The following GRM8 variants were observed in gnomAD, a reference collection of about 807,000 sequenced individuals.
The protein encoded by GRM8 is metabotropic glutamate receptor 8.
Under a neutral mutation model 87.2 loss-of-function variants are expected in GRM8, and 47 were observed. The ratio of observed to expected loss-of-function variants is 0.54; its 90% CI spans 0.43 to 0.69. The LOEUF (loss-of-function observed/expected upper bound fraction) is 0.69, where lower values mean the gene tolerates loss of function less well. GRM8 is among the 30% of genes least tolerant of loss of function. GRM8 has a pLI of 0.00. For synonymous variants in GRM8, 396 were observed against 404.5 expected (o/e 0.98, Z 0.25); for missense variants, 1,019 against 1,139.2 (o/e 0.89, Z 1.52).
At chr7:127,055,813 A>G (rs1057026559) in intron 3 of GRM8, among the ~76,000 whole-genome samples, 5 of 108,180 alleles carry the variant, frequency 4.6e-5, no homozygotes, top group Non-Finnish European at 8.4e-5. Context: ...CTCTAAGGGG[A>G]AAAAAAAAAG....
chr7:126,480,509 G>C (rs1399495222), intron 9 of GRM8, among the ~76,000 whole-genome samples: 2 of 152,038 alleles, frequency 1.3e-5, no homozygotes, highest in Non-Finnish European at 2.9e-5. Context: ...CAGAGCTATG[G>C]GTTAGATTTG....
chr7:127,232,183 T>TTGTGTGTGTGTGTGTGTGTGTGTGTGTG (rs71529431), intron 2 of GRM8, among the ~76,000 whole-genome samples: 6 of 129,844 alleles, frequency 4.6e-5, no homozygotes, highest in Admixed American at 1.6e-4. Context: ...TGTTTCTTCT[T>TTGTGTGTGTGTGTGTGTGTGTGTGTGTG]TGTGTGTGTG....
chr7:126,760,894 T>C (rs1253292032), intron 7 of GRM8, among the ~76,000 whole-genome samples: 3 of 152,296 alleles, frequency 2.0e-5, no homozygotes, highest in African/African-American at 7.2e-5. Context: ...TGTCTCATTT[T>C]CTACTTATAA....
At chr7:127,027,797 T>A (rs186135232) in intron 3 of GRM8, among the ~76,000 whole-genome samples, 4 of 152,332 alleles carry the variant, frequency 2.6e-5, no homozygotes, top group Admixed American at 2.6e-4. Context: ...ATTGACTTCC[T>A]CTTTTCCTAA....
In GRM8 at chr7:127,071,514, C is replaced by T. The variant is rs142513785; in HGVS notation, c.727+34982G>A. ...ATTAATGTAAGACCACTTAGAGCTA[C>T]GTTCTCTGCATCACTCACAACAAGC... On this transcript the variant is annotated intron_variant, in intron 3 of 10. Coordinates refer to ENST00000339582, the MANE Select transcript of GRM8 (RefSeq NM_000845.3). Among the ~76,000 whole-genome samples, 721 of 152,280 alleles carry T rather than the reference C, an allele frequency of 4.7e-3. 9 individuals are homozygous for T. The highest frequency in any genetic ancestry group is 0.016 in the African/African-American group (660 of 41,548).
intron 9 of GRM8, among the ~76,000 whole-genome samples, chr7:126,474,613 A>C (rs1805687615): frequency 1.3e-5 from 2 of 152,174 alleles, no homozygotes; most frequent in Non-Finnish European, 2.9e-5. Flanking sequence ...TCCTGAAAAG[A>C]CTTTAAAGAG....
intron 3 of GRM8, among the ~76,000 whole-genome samples, chr7:126,914,360 A>C (rs925469403): frequency 5.3e-5 from 8 of 152,212 alleles, no homozygotes; most frequent in Non-Finnish European, 1.5e-5. Context: ...AAGCAGTATG[A>C]AGATTTCTCA....
At chr7:126,583,510 C>T (rs1334701242) in intron 8 of GRM8, among the ~76,000 whole-genome samples, 1 of 152,082 alleles carries the variant, frequency 6.6e-6, no homozygotes, top group East Asian at 1.9e-4. Context: ...ATTCTAGATG[C>T]CATTGAGAAC....
chr7:127,094,956 A>G (rs775322502), intron 3 of GRM8, among the ~76,000 whole-genome samples: 2 of 152,186 alleles, frequency 1.3e-5, no homozygotes, highest in Non-Finnish European at 2.9e-5. Flanking sequence ...TATAAAGACA[A>G]CAAGCTAGAG....
At chr7:127,109,639 C>T (rs1390570981) in intron 2 of GRM8, among the ~76,000 whole-genome samples, 1 of 152,194 alleles carries the variant, frequency 6.6e-6, no homozygotes, top group African/African-American at 2.4e-5. Flanking sequence ...CTTCCAAAGC[C>T]TCCGCCATCT....
At chr7:126,773,523 T>G (rs147762935) in intron 6 of GRM8, among the ~76,000 whole-genome samples, 1 of 152,318 alleles carries the variant, frequency 6.6e-6, no homozygotes, top group East Asian at 1.9e-4. Context: ...ATCATTTTAG[T>G]GCCAGTGCAA....
At chr7:126,983,383 C>T (rs1262045197) in intron 3 of GRM8, among the ~76,000 whole-genome samples, 1 of 152,116 alleles carries the variant, frequency 6.6e-6, no homozygotes, top group Non-Finnish European at 1.5e-5. Flanking sequence ...GGGCAAAGTT[C>T]TCCAGAAGGC....
chr7:127,148,836 G>A (rs1828691877), intron 2 of GRM8, among the ~76,000 whole-genome samples: 1 of 152,032 alleles, frequency 6.6e-6, no homozygotes, highest in Non-Finnish European at 1.5e-5. Context: ...GAAAACAATG[G>A]AGAAAGGTGA....
chr7:126,451,336 C>CT (rs1000108781), intron 9 of GRM8, among the ~76,000 whole-genome samples: 1 of 151,612 alleles, frequency 6.6e-6, no homozygotes, highest in African/African-American at 2.4e-5. Context: ...TCTTTTACTC[C>CT]TTTTTTATAC....
intron 9 of GRM8, among the ~76,000 whole-genome samples, chr7:126,532,460 CA>C (rs1263178891): frequency 1.3e-5 from 2 of 151,960 alleles, no homozygotes; most frequent in Admixed American, 1.3e-4. Flanking sequence ...TCACAATTAC[CA>C]AGCAATGGCT....
chr7:126,925,153 A>AT (rs1374841189), intron 3 of GRM8, among the ~76,000 whole-genome samples: 1 of 152,154 alleles, frequency 6.6e-6, no homozygotes, highest in East Asian at 1.9e-4. Flanking sequence ...TTGATTCATC[A>AT]TTTTCAGAGC....
intron 6 of GRM8, among the ~76,000 whole-genome samples, chr7:126,900,707 A>G (rs997389614): frequency 6.6e-6 from 1 of 151,996 alleles, no homozygotes; most frequent in East Asian, 1.9e-4. Flanking sequence ...ATGGGTTTTC[A>G]CCATGTTGCC....
chr7:126,472,499 A>C (rs983593181), intron 9 of GRM8, among the ~76,000 whole-genome samples: 2 of 152,162 alleles, frequency 1.3e-5, no homozygotes, highest in Admixed American at 1.3e-4. Context: ...ATTCAGTTTC[A>C]TTCATTCACA....
intron 8 of GRM8, among the ~76,000 whole-genome samples, chr7:126,604,818 G>T (rs1798187691): frequency 6.6e-6 from 1 of 151,998 alleles, no homozygotes; most frequent in Non-Finnish European, 1.5e-5. Flanking sequence ...TTTCTTCTAT[G>T]GAGTCATCCA....
Sources: gnomAD v4.1 joint callset for allele counts (sites outside exome capture counted in the v4.1 genomes callset) on GRCh38, gnomAD v4.1.1 for gene constraint, MANE v1.5 for transcripts, NCBI Gene and HGNC (gene_info 2026-07-23, HGNC 2026-07-21) for gene names.